MS4A5: variants seen among roughly 807,000 people sequenced by gnomAD.
MS4A5 encodes the protein membrane-spanning 4-domains subfamily A member 5.
In MS4A5, 15 loss-of-function variants were observed where a neutral mutation model predicts 18.2. The observed-to-expected ratio is 0.83, with a 90% confidence interval of 0.55 to 1.27. The LOEUF (loss-of-function observed/expected upper bound fraction) is 1.27. Ranked by LOEUF, MS4A5 falls within the 50% of genes most tolerant of loss-of-function variation. The probability of loss-of-function intolerance (pLI) is 0.00; values close to 1 mark genes in which losing one functional copy is unlikely to be tolerated. For missense variants in MS4A5, 232 were observed against 225.7 expected (o/e 1.03, Z -0.18); for synonymous variants, 89 against 78.7 (o/e 1.13, Z -0.69).
intron 4 of MS4A5, among the ~76,000 whole-genome samples, chr11:60,437,044 G>A (rs1381052276): frequency 3.6e-5 from 5 of 137,182 alleles, no homozygotes. Flanking sequence ...AACCCTCAAA[G>A]GGAAGCTCAT....
At chr11:60,447,209 G>A (rs940557557) in intron 4 of MS4A5, among the ~76,000 whole-genome samples, 1 of 150,430 alleles carries the variant, frequency 6.6e-6, no homozygotes, top group South Asian at 2.1e-4. Context: ...GCTATCCTAT[G>A]CTATGCTATG....
Position 60,432,470 on chromosome 11 carries a change from G to A in MS4A5, c.339+3G>A. ...AAAGAAAAACCACAGAAACTCTGGT[G>A]AGTTATATTCTTACTTTATTAAAAA... On this transcript the variant is annotated splice_donor_region_variant and intron_variant, in intron 3 of 4. Coordinates refer to ENST00000300190, the MANE Select transcript of MS4A5 (RefSeq NM_023945.3). The A allele has an allele frequency of 6.4e-7, 1 of 1,557,650 alleles. No homozygotes were observed. The highest frequency in any genetic ancestry group is 1.7e-5 in the Admixed American group (1 of 58,874).
At position 60,434,702 on chromosome 11, in the gene MS4A5, C is replaced by T. The variant is rs139141530; in HGVS notation, c.492+785C>T. 3.8e-3 allele frequency among the ~76,000 whole-genome samples: 575 copies of T among 152,264 alleles called. 1 individual carries two copies. The highest frequency in any genetic ancestry group is 0.013 in the African/African-American group (554 of 41,536). On this transcript the variant is annotated intron_variant, in intron 4 of 4. Transcript: ENST00000300190. ...AAAGCTGAAAGGTCAGCTGGAACTA[C>T]TAGATCAATTTTTAGATGAAAGCCT...
chr11:60,437,794 A>G (rs958765048), intron 4 of MS4A5, among the ~76,000 whole-genome samples: 2 of 151,280 alleles, frequency 1.3e-5, no homozygotes, highest in Admixed American at 1.3e-4. Flanking sequence ...TGACCTACAA[A>G]GAGACTTAGA....
intron 4 of MS4A5, among the ~76,000 whole-genome samples, chr11:60,441,923 G>A (rs956509847): frequency 5.3e-5 from 8 of 152,138 alleles, no homozygotes; most frequent in Non-Finnish European, 1.2e-4. Context: ...CGATTCACAA[G>A]AGAAATATTA....
In MS4A5 at chr11:60,447,640, C is replaced by G. The variant is rs771583039; in HGVS notation, c.493-9C>G. 2.1e-6 allele frequency: 3 copies of G among 1,460,232 alleles called. No individual in the cohort carries two copies. Among genetic ancestry groups the G allele is most frequent in the Non-Finnish European group, 1.9e-6 (2 of 1,070,272 alleles). 90.5% of individuals were successfully genotyped at this position (1,460,232 alleles called of 1,614,324 possible). On this transcript the variant is annotated splice_polypyrimidine_tract_variant and intron_variant, in intron 4 of 4. Coordinates refer to ENST00000300190, the MANE Select transcript of MS4A5 (RefSeq NM_023945.3). ...CTCTTCATTTTTTTTTCTTCTTCTTCTATTACAGGGAATTTTGATTACATT... is the reference window on the plus strand; with the variant it reads ...CTCTTCATTTTTTTTTCTTCTTCTTGTATTACAGGGAATTTTGATTACATT...
chr11:60,441,468 G>GGCCATTAAAAAAAAAAAAGA (rs2086111973), intron 4 of MS4A5, among the ~76,000 whole-genome samples: 3 of 103,452 alleles, frequency 2.9e-5, no homozygotes, highest in East Asian at 2.8e-4. Flanking sequence ...AAAAAAAAAA[G>GGCCATTAAAAAAAAAAAAGA]AAAAAAAAAG....
intron 4 of MS4A5, among the ~76,000 whole-genome samples, chr11:60,446,740 A>T (rs528958949): frequency 6.6e-6 from 1 of 151,944 alleles, no homozygotes; most frequent in African/African-American, 2.4e-5. Context: ...TCTCAAAAAA[A>T]AAAAAAAGAC....
intron 3 of MS4A5, among the ~76,000 whole-genome samples, chr11:60,433,541 A>G (rs1290754436): frequency 6.6e-6 from 1 of 152,228 alleles, no homozygotes; most frequent in Non-Finnish European, 1.5e-5. Flanking sequence ...TAGGCATAGA[A>G]TATGGGGAAT....
chr11:60,443,200 G>A (rs986736095), intron 4 of MS4A5, among the ~76,000 whole-genome samples: 18 of 152,048 alleles, frequency 1.2e-4, no homozygotes, highest in Non-Finnish European at 1.8e-4. Context: ...TGAAAAAATT[G>A]ACAGATTTCA....
At chr11:60,429,979 ATG>A (rs1300990075) in intron 1 of MS4A5, 152 bp downstream of exon 1, 1 of 762,826 alleles carries the variant, frequency 1.3e-6, no homozygotes, top group Admixed American at 3.0e-5. Context: ...TTGAGAGAGG[ATG>A]TTTGAGAAGA....
chr11:60,442,129 T>C (rs1360339697), intron 4 of MS4A5, among the ~76,000 whole-genome samples: 1 of 152,192 alleles, frequency 6.6e-6, no homozygotes. Flanking sequence ...AAATGTCATA[T>C]ATAGAATGAA....
intron 4 of MS4A5, among the ~76,000 whole-genome samples, chr11:60,447,361 TATGCTATGCA>T (rs1156260168): frequency 0.012 from 1,674 of 139,560 alleles, 41 homozygotes; most frequent in African/African-American, 0.04. Flanking sequence ...TATGCTATGC[TATGCTATGCA>T]ATGCAGTGCT....
chr11:60,440,847 A>G, intron 4 of MS4A5, among the ~76,000 whole-genome samples: 1 of 132,170 alleles, frequency 7.6e-6, no homozygotes, highest in African/African-American at 2.9e-5. Context: ...AACTAGTTCA[A>G]CCATTGTGGA....
intron 2 of MS4A5, 51 bp from the exon 3 acceptor site, chr11:60,432,360 T>C (rs1428601419): frequency 1.6e-6 from 2 of 1,254,084 alleles, no homozygotes; most frequent in South Asian, 1.3e-5. Context: ...CTGTAAGAAC[T>C]CAACATCAGC....
At chr11:60,438,568 G>A (rs1200865843) in intron 4 of MS4A5, among the ~76,000 whole-genome samples, 34 of 152,000 alleles carry the variant, frequency 2.2e-4, no homozygotes, top group East Asian at 1.5e-3. Context: ...TCAAATAGAC[G>A]CAATAAAAAA....
chr11:60,446,578 C>A (rs1463203878), intron 4 of MS4A5, among the ~76,000 whole-genome samples: 1 of 152,076 alleles, frequency 6.6e-6, no homozygotes, highest in Non-Finnish European at 1.5e-5. Context: ...ACTAAAAACA[C>A]AAAAACTAGC....
At chr11:60,444,404 T>A (rs1443244) in intron 4 of MS4A5, among the ~76,000 whole-genome samples, 1 of 152,052 alleles carries the variant, frequency 6.6e-6, no homozygotes, top group Non-Finnish European at 1.5e-5. Context: ...ACGACCATGG[T>A]AGTAGACAAA....
intron 4 of MS4A5, among the ~76,000 whole-genome samples, chr11:60,447,307 G>GCTATGCTA (rs2086145589): frequency 7.2e-6 from 1 of 139,644 alleles, no homozygotes; most frequent in African/African-American, 2.7e-5. Flanking sequence ...ATCCTATGCT[G>GCTATGCTA]TGCTATGCTA....
Sources: gnomAD v4.1 joint callset for allele counts (sites outside exome capture counted in the v4.1 genomes callset) on GRCh38, gnomAD v4.1.1 for gene constraint, MANE v1.5 for transcripts, NCBI Gene and HGNC (gene_info 2026-07-23, HGNC 2026-07-21) for gene names.